Variants in BCAS3 observed in about 807,000 individuals in gnomAD.
BCAS3 encodes BCAS3 microtubule associated cell migration factor.
BCAS3 carries 53 observed loss-of-function variants against 116.1 expected under a neutral mutation model. The ratio of observed to expected loss-of-function variants is 0.46; its 90% confidence interval spans 0.37 to 0.57. The LOEUF is 0.57. Among genes scored for constraint, BCAS3 ranks in the 20% least tolerant of loss-of-function variants. BCAS3 has a pLI of 0.00. For missense variants in BCAS3, 917 were observed against 1,165.4 expected (o/e 0.79, Z 3.10); for synonymous variants, 391 against 408.2 (o/e 0.96, Z 0.51).
intron 12 of BCAS3, among the ~76,000 whole-genome samples, chr17:60,920,035 A>G (rs2145139142): frequency 6.6e-6 from 1 of 152,346 alleles, no homozygotes. Context: ...TGGCAAATGT[A>G]TCAGACCCAA....
intron 6 of BCAS3, among the ~76,000 whole-genome samples, chr17:60,752,453 T>C (rs2042566671): frequency 6.6e-6 from 1 of 151,488 alleles, no homozygotes; most frequent in Non-Finnish European, 1.5e-5. Flanking sequence ...AGACAGAGTC[T>C]CACTCTGTCG....
rs766541340 is a variant in BCAS3, at chr17:61,147,027, G to A, written c.2425+62463G>A. On this transcript the variant is annotated intron_variant, in intron 22 of 23. Transcript: ENST00000407086. ...CCTCCCAGGCTCAAGCAACCCTCCC[G>A]CCTCATCCTCCCGAGTAGTTGGGAC... Among the ~76,000 whole-genome samples the A allele has an allele frequency of 1.1e-4, 17 of 151,708 alleles. No homozygotes were observed. The South Asian group carries it at 2.1e-3, about 19-fold the overall frequency.
chr17:61,095,568 G>A lies in BCAS3; in HGVS notation c.2425+11004G>A, dbSNP rs2073914241. On this transcript the variant is annotated intron_variant, in intron 22 of 23. Transcript: ENST00000407086. This position sits in a 1 kb window ranked among gnomAD's most constrained non-coding sequence, Gnocchi z 4.7. ...TTGCAACCTCTGCCTCCAGGTTCAA[G>A]TGCTTCTCCTGCCTCAGCCTCCCGA... Among the ~76,000 whole-genome samples the A allele has an allele frequency of 6.6e-6, 1 of 151,986 alleles. No individual in the cohort carries two copies. The highest frequency in any genetic ancestry group is 1.5e-5 in the Non-Finnish European group (1 of 68,014).
chr17:61,149,270 A>G (rs2077413514), intron 22 of BCAS3, among the ~76,000 whole-genome samples: 1 of 152,204 alleles, frequency 6.6e-6, no homozygotes, highest in Admixed American at 6.5e-5. Flanking sequence ...TGGTAAGATC[A>G]GGCCCATTAT....
At chr17:60,848,439 T>A (rs12951570) in intron 7 of BCAS3, among the ~76,000 whole-genome samples, 1 of 152,336 alleles carries the variant, frequency 6.6e-6, no homozygotes, top group South Asian at 2.1e-4. Context: ...TCCTGCAACT[T>A]TGTTGAATTT....
chr17:61,063,616 A>T lies in BCAS3; in HGVS notation c.2030-11304A>T, dbSNP rs927906647. Among the ~76,000 whole-genome samples the T allele has an allele frequency of 2.8e-4, 43 of 152,232 alleles. No individual in the cohort carries two copies. The highest frequency in any genetic ancestry group is 1.0e-3 in the African/African-American group (42 of 41,554). On this transcript the variant is annotated intron_variant, in intron 19 of 23. Transcript: ENST00000407086. This position sits in a 1 kb window ranked among gnomAD's most constrained non-coding sequence, Gnocchi z 5.3. ...TGCTTCAGGATCTTGTTTCCACTTG[A>T]TTAAAATTTCCATTGAAAGCTTTGC...
chr17:60,828,218 A>C (rs2050604932), intron 7 of BCAS3, among the ~76,000 whole-genome samples: 1 of 152,222 alleles, frequency 6.6e-6, no homozygotes, highest in Non-Finnish European at 1.5e-5. Context: ...GTGGAATTCC[A>C]TACAGGCATG....
At chr17:61,372,678 G>A (rs542689928) in intron 23 of BCAS3, among the ~76,000 whole-genome samples, 2 of 152,178 alleles carry the variant, frequency 1.3e-5, no homozygotes, top group East Asian at 1.9e-4. Flanking sequence ...GAGGGTCCCC[G>A]AGCATACGCA....
rs987390218 is a variant in BCAS3 at position 61,281,107 on chromosome 17, G to A, written c.2426-87220G>A. On this transcript the variant is annotated intron_variant, in intron 22 of 23. Transcript: ENST00000407086. The surrounding 1 kb of genome is among the most constrained non-coding windows in gnomAD (Gnocchi z 4.2). ...CTGTGCATCCTTTTTTCTTTGCATC[G>A]AAAAAATACACTACTATGCACACTC... 1.3e-5 allele frequency among the ~76,000 whole-genome samples: 2 copies of A among 150,370 alleles called. No individual in the cohort carries two copies. The highest frequency in any genetic ancestry group is 2.0e-4 in the East Asian group (1 of 5,078).
At chr17:61,101,487 A>T (rs2074326233) in intron 22 of BCAS3, among the ~76,000 whole-genome samples, 1 of 152,116 alleles carries the variant, frequency 6.6e-6, no homozygotes, top group South Asian at 2.1e-4. Flanking sequence ...TTTCCCTTAG[A>T]AATATTGTTA....
intron 22 of BCAS3, among the ~76,000 whole-genome samples, chr17:61,108,090 T>C (rs2074791098): frequency 6.6e-6 from 1 of 152,224 alleles, no homozygotes; most frequent in African/African-American, 2.4e-5. Context: ...TCATATGTTT[T>C]GTAGCTCTGT....
chr17:61,264,192 A>G (rs1221091178), intron 22 of BCAS3, among the ~76,000 whole-genome samples: 1 of 152,092 alleles, frequency 6.6e-6, no homozygotes, highest in Non-Finnish European at 1.5e-5. Context: ...AATAAGCTCT[A>G]TTTAAATGTG....
chr17:60,955,310 T>C (rs1265623237), intron 14 of BCAS3, among the ~76,000 whole-genome samples: 2 of 151,922 alleles, frequency 1.3e-5, no homozygotes, highest in Admixed American at 6.6e-5. Flanking sequence ...ATTTTCACCA[T>C]CTAATTTTGA....
At chr17:60,727,359 G>T in intron 5 of BCAS3, 11 of 1,528,248 alleles carry the variant, frequency 7.2e-6, no homozygotes, top group Non-Finnish European at 1.0e-5. Context: ...CTCTGCTTCC[G>T]ATCATAGCGC....
In BCAS3 at chr17:61,326,304, G is replaced by A. The variant is rs149337667; in HGVS notation, c.2426-42023G>A. On this transcript the variant is annotated intron_variant, in intron 22 of 23. Transcript: ENST00000407086. The surrounding 1 kb of genome is among the most constrained non-coding windows in gnomAD (Gnocchi z 5.3). ...GGGAGTAAGAGGGGAAGAGGAAAAA[G>A]AAATGCTTAAGGAGTTGAAAGAGGG... Among the ~76,000 whole-genome samples, 659 of 152,268 alleles carry A rather than the reference G, an allele frequency of 4.3e-3. 8 individuals carry two copies. Among genetic ancestry groups the A allele is most frequent in the African/African-American group, 0.015 (631 of 41,552 alleles).
chr17:60,770,942 AGTAGCTGGGATTACAG>A (rs1210375123), intron 6 of BCAS3, among the ~76,000 whole-genome samples: 1 of 146,028 alleles, frequency 6.8e-6, no homozygotes, highest in Non-Finnish European at 1.5e-5. Context: ...CAGCCTCCCA[AGTAGCTGGGATTACAG>A]GTGTGTGCCA....
rs569962689 is a variant in BCAS3, at chr17:61,316,119, A to G, written c.2426-52208A>G. Among the ~76,000 whole-genome samples the G allele has an allele frequency of 7.2e-4, 110 of 152,220 alleles. No individual in the cohort carries two copies. The highest frequency in any genetic ancestry group is 1.4e-3 in the Non-Finnish European group (92 of 68,014). ...CAGGAGTTCGAAACCAGCCTGGCCA[A>G]CATGGCGAAACCCCCATCTCTACTA... On this transcript the variant is annotated intron_variant, in intron 22 of 23. Coordinates refer to ENST00000407086, the MANE Select transcript of BCAS3 (RefSeq NM_017679.5). This position sits in a 1 kb window ranked among gnomAD's most constrained non-coding sequence, Gnocchi z 5.8.
intron 9 of BCAS3, among the ~76,000 whole-genome samples, chr17:60,877,758 T>A (rs2055748558): frequency 6.6e-6 from 1 of 152,194 alleles, no homozygotes; most frequent in East Asian, 1.9e-4. Flanking sequence ...CAGTGATGAA[T>A]TTTTAGTAAT....
At chr17:61,353,223 T>C (rs1235224341) in intron 22 of BCAS3, among the ~76,000 whole-genome samples, 4 of 152,106 alleles carry the variant, frequency 2.6e-5, no homozygotes, top group African/African-American at 4.8e-5. Flanking sequence ...AAAGAGGAGA[T>C]AGAACCAGAT....
Sources: allele counts gnomAD v4.1 joint callset (sites outside exome capture counted in the v4.1 genomes callset), GRCh38; gene constraint gnomAD v4.1.1; non-coding constraint Gnocchi (gnomAD v3.1); transcripts MANE v1.5; gene names NCBI Gene and HGNC (gene_info 2026-07-23, HGNC 2026-07-21).